Variants in BBS5 observed in about 807,000 individuals in gnomAD.
The protein encoded by BBS5 is Bardet-Biedl syndrome 5.
Under a neutral mutation model 50.2 loss-of-function variants are expected in BBS5, and 39 were observed. The observed-to-expected ratio is 0.78, with a 90% confidence interval of 0.60 to 1.01. The LOEUF (loss-of-function observed/expected upper bound fraction) is 1.01. Among genes scored for constraint, BBS5 ranks in the 50% least tolerant of loss-of-function variants. BBS5 has a pLI of 0.00. For synonymous variants in BBS5, 134 were observed against 133.1 expected (o/e 1.01, Z -0.05); for missense variants, 356 against 401.5 (o/e 0.89, Z 0.97).
intron 1 of BBS5, 127 bp from the exon 2 acceptor site, chr2:169,482,124 T>A: frequency 1.4e-6 from 1 of 734,916 alleles, no homozygotes. Context: ...TCTAAATGCA[T>A]GAACATTTGG....
intron 2 of BBS5, 174 bp downstream of exon 2, chr2:169,482,507 A>T (rs565983933): frequency 1.7e-6 from 1 of 598,632 alleles, no homozygotes; most frequent in Admixed American, 2.7e-5. Flanking sequence ...ATAGGTATTA[A>T]ACATGTAGTT....
intron 2 of BBS5, chr2:169,482,645 G>T (rs2105291890): frequency 5.7e-6 from 2 of 350,294 alleles, no homozygotes; most frequent in Non-Finnish European, 1.1e-5. Flanking sequence ...AAGGATATGG[G>T]GTAGTGGAAT....
intron 7 of BBS5, among the ~76,000 whole-genome samples, chr2:169,495,973 T>C (rs182556824): frequency 3.0e-4 from 45 of 152,340 alleles, no homozygotes; most frequent in Non-Finnish European, 1.5e-4. Context: ...TGGGATTGTA[T>C]ATACTCTTGA....
At chr2:169,503,203 A>G (rs199937706) in intron 10 of BBS5, 25 bp downstream of exon 10, 3 of 1,555,444 alleles carry the variant, frequency 1.9e-6, no homozygotes, top group Middle Eastern at 1.7e-4. Flanking sequence ...GGACAGCATT[A>G]AATTTCTTAA....
chr2:169,487,208 C>T, intron 3 of BBS5, 74 bp downstream of exon 3: 1 of 944,700 alleles, frequency 1.1e-6, no homozygotes, highest in South Asian at 1.3e-5. Flanking sequence ...GCCTTTGATA[C>T]CAAAGAAGTA....
intron 10 of BBS5, among the ~76,000 whole-genome samples, chr2:169,503,506 GA>G (rs1168705916): frequency 6.6e-6 from 1 of 151,022 alleles, no homozygotes; most frequent in African/African-American, 2.4e-5. Context: ...TATAAAAAAA[GA>G]AAAAAAAGGA....
At chr2:169,498,649 C>G (rs1210914487) in intron 8 of BBS5, among the ~76,000 whole-genome samples, 3 of 151,674 alleles carry the variant, frequency 2.0e-5, no homozygotes, top group Non-Finnish European at 4.4e-5. Context: ...ACTAAAAATA[C>G]AAAAAATTAG....
intron 8 of BBS5, 51 bp from the exon 9 acceptor site, chr2:169,499,435 T>A: frequency 6.4e-7 from 1 of 1,557,744 alleles, no homozygotes; most frequent in East Asian, 2.3e-5. Flanking sequence ...ATACTATAAA[T>A]ACTGTTCTTC....
intron 9 of BBS5, among the ~76,000 whole-genome samples, chr2:169,502,447 AT>A (rs1683826927): frequency 6.6e-6 from 1 of 152,136 alleles, no homozygotes; most frequent in African/African-American, 2.4e-5. Context: ...TAGTGTTGAT[AT>A]TTTATCATTT....
Position 169,505,113 on chromosome 2 carries a change from C to T in BBS5, c.*531C>T, listed in dbSNP as rs534878969. ...GCGATTACAGGCGCGCGCCGCCACA[C>T]CTGACTGGTTTTCGTATTTTTTTGG... On this transcript the variant is annotated 3_prime_UTR_variant, in exon 12 of 12. Transcript: ENST00000295240. 444 of 905,420 alleles carry T rather than the reference C, an allele frequency of 4.9e-4. 1 individual carries two copies. The highest frequency in any genetic ancestry group is 3.7e-3 in the Middle Eastern group (16 of 4,300). 56.1% of individuals were successfully genotyped at this position (905,420 alleles called of 1,614,324 possible).
chr2:169,492,689 G>T lies in BBS5; in HGVS notation c.387-185G>T, dbSNP rs115122947. Among the ~76,000 whole-genome samples, 1,358 of 151,994 alleles carry T rather than the reference G, an allele frequency of 8.9e-3. 28 individuals are homozygous for T. The highest frequency in any genetic ancestry group is 0.031 in the African/African-American group (1,283 of 41,446). On this transcript the variant is annotated intron_variant, in intron 5 of 11. Coordinates refer to ENST00000295240, the MANE Select transcript of BBS5 (RefSeq NM_152384.3). ...AGCCCAGGAGTTTGTGTCCGGCTTG[G>T]GCAAGGTATTGAGACTTTGTCTCTA...
In BBS5 at chr2:169,487,104, C is replaced by G. The variant is rs1355440020; in HGVS notation, c.178C>G (p.His60Asp). The G allele has an allele frequency of 1.9e-6, 3 of 1,611,510 alleles. No homozygotes were observed. In the South Asian group the frequency reaches 3.3e-5, roughly 18 times the overall value. The change falls in exon 3 of 12, where the codon CAC (histidine) becomes GAC (aspartate). Residue 60 changes from histidine (H) to aspartate (D), a missense_variant. Physicochemically the swap from His to Asp is moderately conservative, Grantham distance 81 (BLOSUM62 -1). Coordinates refer to ENST00000295240, the MANE Select transcript of BBS5 (RefSeq NM_152384.3). ...LLVTNLRILW[H>D]SLALSRVNVS... Reference sequence around the variant, plus strand: ...GGTAACAAATTTAAGAATTCTCTGGCACTCTTTGGCATTATCAAGAGTCAA... The same window carrying G: ...GGTAACAAATTTAAGAATTCTCTGGGACTCTTTGGCATTATCAAGAGTCAA...
intron 9 of BBS5, among the ~76,000 whole-genome samples, chr2:169,501,795 T>G (rs1683808976): frequency 6.6e-6 from 1 of 152,184 alleles, no homozygotes; most frequent in African/African-American, 2.4e-5. Flanking sequence ...CTTACAAAGT[T>G]ATTGATCATG....
chr2:169,479,555 T>TGTCG lies in BBS5; in HGVS notation c.5_8dup (p.Leu4_?3), dbSNP rs756684256. The TGTCG allele has an allele frequency of 1.1e-5, 17 of 1,614,056 alleles. No homozygotes were observed. The highest frequency in any genetic ancestry group is 5.1e-6 in the Non-Finnish European group (6 of 1,180,004). ...ATCCTGCCACGGGCCTTGTTCACCA[T>TGTCG]GTCGGTGCTGGATGCGCTTTGGGAG... On this transcript the variant is annotated frameshift_variant and start_lost, in exon 1 of 12. Transcript: ENST00000295240. LOFTEE classifies it high-confidence loss of function.
intron 5 of BBS5, among the ~76,000 whole-genome samples, chr2:169,490,685 G>A (rs1054808860): frequency 3.3e-5 from 5 of 151,822 alleles, no homozygotes; most frequent in Non-Finnish European, 7.4e-5. Context: ...CAAAATTTAC[G>A]ATTTTAAAGT....
intron 2 of BBS5, among the ~76,000 whole-genome samples, chr2:169,483,996 T>C (rs994956422): frequency 1.9e-4 from 29 of 152,174 alleles, no homozygotes; most frequent in African/African-American, 7.0e-4. Context: ...TCCTCAGATA[T>C]TCATTGAGCG....
rs11369633 is a variant in BBS5, at chr2:169,482,074, C to CA, written c.60-176dup. ...AGATGGCCCTGGTCACTCCAGGCCC[C>CA]ACTGATCTTCAGGTTCTTGAAGTTC... On this transcript the variant is annotated intron_variant, in intron 1 of 11. Transcript: ENST00000295240. Among the ~76,000 whole-genome samples the CA allele has an allele frequency of 0.62, 93,843 of 152,004 alleles. 30,023 individuals are homozygous for CA. The highest frequency in any genetic ancestry group is 0.7 in the Non-Finnish European group (47,368 of 67,976).
chr2:169,479,818 A>C (rs1683356865), intron 1 of BBS5, among the ~76,000 whole-genome samples: 1 of 152,228 alleles, frequency 6.6e-6, no homozygotes, highest in Non-Finnish European at 1.5e-5. Context: ...GCAAGAGCGC[A>C]TCGGCATTAC....
Position 169,497,675 on chromosome 2 carries a change from G to T in BBS5, c.667G>T (p.Glu223Ter). Residue 223 changes from glutamate to a stop codon, truncating the protein, a stop_gained, in exon 8 of 12, where the codon GAA becomes TAA. Coordinates refer to ENST00000295240, the MANE Select transcript of BBS5 (RefSeq NM_152384.3). LOFTEE classifies it high-confidence loss of function. ...AAAATTTGGTTTAGCTCTTGTCATA[G>T]AAAGCTCTCAGCAGGTAAGATCTTG... ...DSKFGLALVI[E>*]SSQQSGGYVL... 6.3e-7 allele frequency: 1 copy of T among 1,593,026 alleles called. No homozygotes were observed. The highest frequency in any genetic ancestry group is 8.6e-7 in the Non-Finnish European group (1 of 1,161,318).
Sources: allele counts gnomAD v4.1 joint callset (sites outside exome capture counted in the v4.1 genomes callset), GRCh38; gene constraint gnomAD v4.1.1; transcripts MANE v1.5; gene names NCBI Gene and HGNC (gene_info 2026-07-23, HGNC 2026-07-21).